The following FAM168A variants were observed in gnomAD, a reference collection of about 807,000 sequenced individuals.
FAM168A encodes protein FAM168A.
Under a neutral mutation model 28.5 loss-of-function variants are expected in FAM168A, and 3 were observed. The ratio of observed to expected loss-of-function variants is 0.11; its 90% CI spans 0.05 to 0.27. The LOEUF is 0.27. Ranked by LOEUF, FAM168A falls within the 10% of genes least tolerant of loss-of-function variation. The probability of loss-of-function intolerance (pLI) is 1.00; values close to 1 mark genes in which losing one functional copy is unlikely to be tolerated. For synonymous variants in FAM168A, 122 were observed against 124.2 expected (o/e 0.98, Z 0.12); for missense variants, 222 against 311.5 (o/e 0.71, Z 2.16).
rs972365726 is a variant in FAM168A, at chr11:73,404,316, C to G, written c.*2447G>C. 6.6e-6 allele frequency: 1 copy of G among 152,178 alleles called. No homozygotes were observed. The highest frequency in any genetic ancestry group is 6.5e-5 in the Admixed American group (1 of 15,270). The allele number at this position is 152,178 out of a possible 1,614,324, so 9.4% of individuals were successfully genotyped here. A position where few individuals can be genotyped will look rare whatever the true frequency, so the allele number is the denominator to read the frequency against. On this transcript the variant is annotated 3_prime_UTR_variant, in exon 8 of 8. Transcript: ENST00000356467. ...ACTGTGGGCCTGTTCCCTTCCATAA[C>G]CTGTTTCCTCATTTGTCAATTGACT...
intron 1 of FAM168A, among the ~76,000 whole-genome samples, chr11:73,484,655 TATATAG>T (rs1468848399): frequency 3.4e-5 from 5 of 145,932 alleles, no homozygotes; most frequent in African/African-American, 1.2e-4. Flanking sequence ...TATCTATCTA[TATATAG>T]ATAGATATAG....
At chr11:73,532,453 C>G (rs1943525133) in intron 1 of FAM168A, among the ~76,000 whole-genome samples, 1 of 152,146 alleles carries the variant, frequency 6.6e-6, no homozygotes, top group African/African-American at 2.4e-5. Context: ...ATGACAAATC[C>G]TTCCTGGGGT....
intron 1 of FAM168A, among the ~76,000 whole-genome samples, chr11:73,536,670 AG>A (rs1943586833): frequency 6.6e-6 from 1 of 152,054 alleles, no homozygotes; most frequent in South Asian, 2.1e-4. Context: ...CTGGGCAACA[AG>A]AGCTTAACTC....
intron 1 of FAM168A, among the ~76,000 whole-genome samples, chr11:73,506,508 A>C (rs751629066): frequency 3.3e-5 from 5 of 152,154 alleles, no homozygotes; most frequent in African/African-American, 7.2e-5. Context: ...TCCCTGTGAA[A>C]ATATTAGAAA....
intron 1 of FAM168A, among the ~76,000 whole-genome samples, chr11:73,536,874 A>G (rs1333715391): frequency 1.3e-5 from 2 of 152,220 alleles, no homozygotes; most frequent in East Asian, 3.8e-4. Context: ...ATGTGGATAA[A>G]TTGAGTGTTC....
At chr11:73,500,049 T>C (rs952801000) in intron 1 of FAM168A, among the ~76,000 whole-genome samples, 1 of 151,846 alleles carries the variant, frequency 6.6e-6, no homozygotes, top group Non-Finnish European at 1.5e-5. Flanking sequence ...CACAAGAAGA[T>C]CAACCCCAAG....
At chr11:73,564,215 C>A (rs1271135392) in intron 1 of FAM168A, among the ~76,000 whole-genome samples, 2 of 152,172 alleles carry the variant, frequency 1.3e-5, no homozygotes, top group African/African-American at 4.8e-5. Context: ...TTACCTTGAG[C>A]CTGGTTCACA....
At chr11:73,508,580 T>C (rs943286891) in intron 1 of FAM168A, among the ~76,000 whole-genome samples, 2 of 152,016 alleles carry the variant, frequency 1.3e-5, no homozygotes, top group Admixed American at 1.3e-4. Flanking sequence ...TGTGTGTCCC[T>C]GAGAATACCA....
chr11:73,540,983 T>A (rs1461925902), intron 1 of FAM168A, among the ~76,000 whole-genome samples: 1 of 152,040 alleles, frequency 6.6e-6, no homozygotes, highest in Non-Finnish European at 1.5e-5. Context: ...GGCAGGAGAA[T>A]CACCTGAGGC....
chr11:73,522,201 A>C (rs1405753642), intron 1 of FAM168A, among the ~76,000 whole-genome samples: 1 of 10,876 alleles, frequency 9.2e-5, no homozygotes, highest in Non-Finnish European at 2.2e-4. Flanking sequence ...TCTCTAGTCC[A>C]CCAAAAAAAA....
intron 1 of FAM168A, among the ~76,000 whole-genome samples, chr11:73,587,343 T>C (rs966378900): frequency 1.9e-4 from 29 of 152,020 alleles, no homozygotes; most frequent in Admixed American, 3.3e-4. Flanking sequence ...AATACAAAAA[T>C]TAGCCGGGCA....
intron 1 of FAM168A, among the ~76,000 whole-genome samples, chr11:73,596,516 T>C (rs922109941): frequency 6.6e-6 from 1 of 151,990 alleles, no homozygotes; most frequent in South Asian, 2.1e-4. Context: ...CTAATATAAA[T>C]AAAACAAACA....
rs187413411 is a variant in FAM168A at position 73,585,595 on chromosome 11, T to G, written c.-19+12328A>C. Among the ~76,000 whole-genome samples the G allele has an allele frequency of 1.3e-3, 204 of 152,238 alleles. 1 individual carries two copies. Among genetic ancestry groups the G allele is most frequent in the African/African-American group, 4.6e-3 (193 of 41,536 alleles). ...CAAGAAGACTGACCCTGGCCAGGCG[T>G]AGTGGCTCACGCCTGTAACTCCAAC... On this transcript the variant is annotated intron_variant, in intron 1 of 7. Transcript: ENST00000356467.
At chr11:73,537,228 G>C (rs1943593736) in intron 1 of FAM168A, among the ~76,000 whole-genome samples, 1 of 152,154 alleles carries the variant, frequency 6.6e-6, no homozygotes, top group Non-Finnish European at 1.5e-5. Flanking sequence ...AAGAGCAGTA[G>C]GAAGTGAGGC....
intron 1 of FAM168A, among the ~76,000 whole-genome samples, chr11:73,554,298 C>T (rs574004004): frequency 9.2e-5 from 14 of 151,928 alleles, no homozygotes; most frequent in Admixed American, 7.9e-4. Flanking sequence ...GATCTCGAGC[C>T]CAGGAGTTTG....
intron 3 of FAM168A, 21 bp from the exon 4 acceptor site, chr11:73,420,020 T>G (rs1449174931): frequency 1.9e-6 from 3 of 1,612,182 alleles, no homozygotes; most frequent in Non-Finnish European, 2.5e-6. Context: ...GACACAAGAA[T>G]GGCATTAGAC....
chr11:73,591,891 C>A (rs78725297), intron 1 of FAM168A, among the ~76,000 whole-genome samples: 1 of 152,002 alleles, frequency 6.6e-6, no homozygotes, highest in African/African-American at 2.4e-5. Flanking sequence ...TATAAAATGG[C>A]GCCATTATAT....
intron 2 of FAM168A, among the ~76,000 whole-genome samples, chr11:73,434,298 G>C (rs1867050572): frequency 6.6e-6 from 1 of 152,034 alleles, no homozygotes; most frequent in Admixed American, 6.6e-5. Flanking sequence ...AGGCACCCTT[G>C]GATAAATATT....
chr11:73,536,447 G>C (rs1464405317), intron 1 of FAM168A, among the ~76,000 whole-genome samples: 1 of 152,112 alleles, frequency 6.6e-6, no homozygotes, highest in Admixed American at 6.5e-5. Flanking sequence ...CAGCACTGTG[G>C]GAGGCCGAAG....
Sources: gnomAD v4.1 joint callset for allele counts (sites outside exome capture counted in the v4.1 genomes callset) on GRCh38, gnomAD v4.1.1 for gene constraint, MANE v1.5 for transcripts, NCBI Gene and HGNC (gene_info 2026-07-23, HGNC 2026-07-21) for gene names.